DNAJA3: variants seen among roughly 807,000 people sequenced by gnomAD.
DNAJA3 encodes the protein DnaJ heat shock protein family (Hsp40) member A3.
Under a neutral mutation model 54.9 loss-of-function variants are expected in DNAJA3, and 29 were observed. That is an observed-to-expected ratio of 0.53 (90% CI 0.39 to 0.72). The LOEUF is 0.72. Among genes scored for constraint, DNAJA3 ranks in the 30% least tolerant of loss-of-function variants. The pLI is 0.00. For missense variants in DNAJA3, 708 were observed against 639.4 expected, an observed-to-expected ratio of 1.11 and a Z score of -1.16; for synonymous variants, 302 against 251.4, an observed-to-expected ratio of 1.20 and a Z score of -1.90.
chr16:4,437,555 C>T, intron 3 of DNAJA3, 70 bp downstream of exon 3: 2 of 1,252,708 alleles, frequency 1.6e-6, no homozygotes, highest in Non-Finnish European at 2.3e-6. Context: ...TGCATTGCTA[C>T]CTGGGACAGC....
rs867243529 is a variant in DNAJA3 at position 4,437,396 on chromosome 16, C to T, written c.346-6C>T. 6.2e-7 allele frequency: 1 copy of T among 1,613,470 alleles called. No individual in the cohort carries two copies. The highest frequency in any genetic ancestry group is 8.5e-7 in the Non-Finnish European group (1 of 1,179,608). The stretch of plus-strand genomic sequence containing the variant: ...TCTGGAGTAATTTATCATGTTTTTC[C>T]CTTAGCTTGCCAAGAAGTATCACCC... On this transcript the variant is annotated splice_region_variant and splice_polypyrimidine_tract_variant and intron_variant, in intron 2 of 11. Coordinates refer to ENST00000262375, the MANE Select transcript of DNAJA3 (RefSeq NM_005147.6).
At chr16:4,453,486 G>A (rs539963967) in intron 10 of DNAJA3, among the ~76,000 whole-genome samples, 10 of 151,274 alleles carry the variant, frequency 6.6e-5, no homozygotes, top group East Asian at 5.8e-4. Flanking sequence ...CACCCGGGCC[G>A]GAGTGCAGTG....
intron 7 of DNAJA3, among the ~76,000 whole-genome samples, 187 bp downstream of exon 7, chr16:4,444,915 G>A (rs1275480452): frequency 6.6e-6 from 1 of 152,172 alleles, no homozygotes; most frequent in Non-Finnish European, 1.5e-5. Context: ...TGTGCCTTGT[G>A]TGGAGAGAAG....
intron 3 of DNAJA3, 167 bp from the exon 4 acceptor site, chr16:4,441,208 T>A: frequency 1.6e-6 from 1 of 620,760 alleles, no homozygotes; most frequent in Non-Finnish European, 2.8e-6. Context: ...GGTCATCTCA[T>A]CCCTCTTCTA....
At chr16:4,452,373 C>T (rs538082073) in intron 10 of DNAJA3, among the ~76,000 whole-genome samples, 7 of 152,182 alleles carry the variant, frequency 4.6e-5, no homozygotes, top group South Asian at 4.2e-4. Flanking sequence ...GTGCTACGGC[C>T]GGGCCCTGGG....
intron 7 of DNAJA3, among the ~76,000 whole-genome samples, chr16:4,445,956 C>G (rs937597129): frequency 8.7e-5 from 13 of 149,998 alleles, no homozygotes; most frequent in Non-Finnish European, 1.6e-4. Flanking sequence ...GAGTCTTGCT[C>G]TGTTGCCCAG....
At chr16:4,430,693 A>G (rs902128544) in intron 1 of DNAJA3, 2 of 152,122 alleles carry the variant, frequency 1.3e-5, no homozygotes, top group Admixed American at 1.3e-4. Context: ...GATAAAATAA[A>G]TAGTCTATTA....
intron 11 of DNAJA3, 132 bp from the exon 12 acceptor site, chr16:4,455,414 C>G: frequency 9.3e-7 from 1 of 1,079,382 alleles, no homozygotes; most frequent in Non-Finnish European, 1.4e-6. Flanking sequence ...GTTTATTATG[C>G]TCATCTCAGC....
chr16:4,442,596 T>C, intron 5 of DNAJA3, 176 bp downstream of exon 5: 1 of 719,106 alleles, frequency 1.4e-6, no homozygotes, highest in Non-Finnish European at 2.1e-6. Flanking sequence ...CTTTCCCTGA[T>C]ACCACAGGCT....
chr16:4,434,978 C>A (rs187729716), intron 2 of DNAJA3, among the ~76,000 whole-genome samples: 70 of 144,860 alleles, frequency 4.8e-4, no homozygotes, highest in African/African-American at 1.7e-3. Context: ...CTCACTGCAA[C>A]CTCTGCCTCC....
intron 11 of DNAJA3, 49 bp from the exon 12 acceptor site, chr16:4,455,497 T>A: frequency 6.5e-7 from 1 of 1,548,910 alleles, no homozygotes; most frequent in South Asian, 1.2e-5. Context: ...CAGGGGTGTG[T>A]TCCCTTGAAA....
rs1390661986 is a variant in DNAJA3 at position 4,455,899 on chromosome 16, A to G, written c.*367A>G. On this transcript the variant is annotated 3_prime_UTR_variant, in exon 12 of 12. Transcript: ENST00000262375. ...GTTAAAGGCCATGCTTACAGCTTAG[A>G]AATGAAGCCTTAAGCTGCATCAAGT... 1 of 457,806 alleles carries G rather than the reference A, an allele frequency of 2.2e-6. No homozygotes were observed. Among genetic ancestry groups the G allele is most frequent in the African/African-American group, 1.9e-5 (1 of 51,758 alleles). The allele number at this position is 457,806 out of a possible 1,614,324, so 28.4% of individuals were successfully genotyped here. A position where few individuals can be genotyped will look rare whatever the true frequency, so the allele number is the denominator to read the frequency against.
chr16:4,439,909 T>C (rs2141380036), intron 3 of DNAJA3, among the ~76,000 whole-genome samples: 1 of 152,240 alleles, frequency 6.6e-6, no homozygotes, highest in East Asian at 1.9e-4. Flanking sequence ...GGAGGAAGCG[T>C]ACTCTTTTCT....
intron 1 of DNAJA3, among the ~76,000 whole-genome samples, chr16:4,428,487 A>C (rs1038539958): frequency 6.6e-6 from 1 of 152,198 alleles, no homozygotes; most frequent in Non-Finnish European, 1.5e-5. Flanking sequence ...ATTAATCCTT[A>C]GGTGACTTGT....
chr16:4,425,888 G>A lies in DNAJA3; in HGVS notation c.7G>A (p.Ala3Thr), dbSNP rs1445776927. ...GCAGAGTCCCCGGGCCAAGATGGCT[G>A]CGCGGTGCTCCACACGCTGGTTGCT... MAARCSTRWLLVV... is the reference protein window; with the variant it reads MATRCSTRWLLVV... The change falls in exon 1 of 12, where the codon GCG becomes ACG. Residue 3 changes from alanine (A) to threonine (T), a missense_variant. By Grantham distance (58) the Ala-to-Thr change is moderately conservative. Coordinates refer to ENST00000262375, the MANE Select transcript of DNAJA3 (RefSeq NM_005147.6). 2 of 1,534,068 alleles carry A rather than the reference G, an allele frequency of 1.3e-6. No individual in the cohort carries two copies. The highest frequency in any genetic ancestry group is 8.8e-7 in the Non-Finnish European group (1 of 1,142,450).
chr16:4,430,406 A>G (rs1180581005), intron 1 of DNAJA3: 1 of 151,924 alleles, frequency 6.6e-6, no homozygotes, highest in Non-Finnish European at 1.5e-5. Context: ...TACTAAAAAT[A>G]GAAAAAGTTG....
chr16:4,429,190 AT>A (rs1286244951), intron 1 of DNAJA3, among the ~76,000 whole-genome samples: 1 of 139,812 alleles, frequency 7.2e-6, no homozygotes, highest in Non-Finnish European at 1.6e-5. Flanking sequence ...CCCGGCCAAG[AT>A]TTTTTTTGTT....
intron 6 of DNAJA3, among the ~76,000 whole-genome samples, chr16:4,443,885 A>G (rs563086104): frequency 6.6e-6 from 1 of 152,086 alleles, no homozygotes; most frequent in Admixed American, 6.5e-5. Flanking sequence ...ACGGGGTTTC[A>G]TCGTGTTAGC....
rs182979844 is a variant in DNAJA3 at position 4,451,593 on chromosome 16, C to T, written c.1339+1096C>T. Among the ~76,000 whole-genome samples, 13 of 151,646 alleles carry T rather than the reference C, an allele frequency of 8.6e-5. No homozygotes were observed. The East Asian group carries it at 2.5e-3, about 30-fold the overall frequency. On this transcript the variant is annotated intron_variant, in intron 10 of 11. Transcript: ENST00000262375. Reference sequence around the variant, plus strand: ...ACAGCATGGCGAAACCCCATCCCTACTAAAAATACAAAAATTAGCTGGGTA... The same window carrying T: ...ACAGCATGGCGAAACCCCATCCCTATTAAAAATACAAAAATTAGCTGGGTA...
Sources: gnomAD v4.1 joint callset for allele counts (sites outside exome capture counted in the v4.1 genomes callset) on GRCh38, gnomAD v4.1.1 for gene constraint, MANE v1.5 for transcripts, NCBI Gene and HGNC (gene_info 2026-07-23, HGNC 2026-07-21) for gene names.